Variants in HTR3A observed in about 807,000 individuals in gnomAD.
The protein encoded by HTR3A is 5-hydroxytryptamine (serotonin) receptor 3A, ionotropic.
HTR3A carries 45 observed loss-of-function variants against 54.8 expected under a neutral mutation model. That is an observed-to-expected ratio of 0.82 (90% CI 0.65 to 1.05). The LOEUF is 1.05. Ranked by LOEUF, HTR3A falls within the 50% of genes least tolerant of loss-of-function variation. The probability of loss-of-function intolerance (pLI) is 0.00; values close to 1 mark genes in which losing one functional copy is unlikely to be tolerated. For synonymous variants in HTR3A, 297 were observed against 256.0 expected, an observed-to-expected ratio of 1.16 and a Z score of -1.53; for missense variants, 657 against 614.0, an observed-to-expected ratio of 1.07 and a Z score of -0.74.
chr11:113,986,508 C>T lies in HTR3A; in HGVS notation c.706-10C>T. On this transcript the variant is annotated splice_polypyrimidine_tract_variant and intron_variant, in intron 6 of 8. Transcript: ENST00000504030. ...CCCCAGGCTTCCCACAAGCTCTTCT[C>T]CGGTCCCAGGTGGTCATCCGCCGGC... is the stretch of plus-strand genomic sequence containing the variant. 1 of 1,611,862 alleles carries T rather than the reference C, an allele frequency of 6.2e-7. No individual in the cohort carries two copies. The highest frequency in any genetic ancestry group is 1.3e-5 in the African/African-American group (1 of 75,038).
chr11:113,979,315 C>T, intron 3 of HTR3A, 38 bp downstream of exon 3: 1 of 1,504,758 alleles, frequency 6.6e-7, no homozygotes, highest in Non-Finnish European at 9.2e-7. Context: ...CGTTACCCAT[C>T]CTCCTGGGAA....
rs1383328118 is a variant in HTR3A at position 113,989,022 on chromosome 11, T to G, written c.1139-443T>G. Among the ~76,000 whole-genome samples the G allele has an allele frequency of 1.3e-5, 2 of 152,114 alleles. No homozygotes were observed. The highest frequency in any genetic ancestry group is 4.8e-5 in the African/African-American group (2 of 41,416). ...TGGTTTTTCAATTTAAATTGGATGG[T>G]GGATTTGCAGGTATGTAAGTTACTC... On this transcript the variant is annotated intron_variant, in intron 8 of 8. Coordinates refer to ENST00000504030, the MANE Select transcript of HTR3A (RefSeq NM_000869.6). The surrounding 1 kb of genome is among the most constrained non-coding windows in gnomAD (Gnocchi z 4.4).
At chr11:113,987,803 G>A (rs1950510335) in intron 8 of HTR3A, among the ~76,000 whole-genome samples, 1 of 152,186 alleles carries the variant, frequency 6.6e-6, no homozygotes, top group African/African-American at 2.4e-5. Context: ...CACCTATGAG[G>A]CAGAGAGACA....
intron 1 of HTR3A, among the ~76,000 whole-genome samples, chr11:113,976,034 A>G (rs1950347190): frequency 6.6e-6 from 1 of 152,096 alleles, no homozygotes; most frequent in Non-Finnish European, 1.5e-5. Context: ...TTAGCCACAA[A>G]GGGACCGGCT....
In HTR3A at chr11:113,975,159, A is replaced by T; in HGVS notation, c.-167A>T. 2 of 717,588 alleles carry T rather than the reference A, an allele frequency of 2.8e-6. No homozygotes were observed. The allele number at this position is 717,588 out of a possible 1,614,324, so 44.5% of individuals were successfully genotyped here. On this transcript the variant is annotated 5_prime_UTR_variant, in exon 1 of 9. Coordinates refer to ENST00000504030, the MANE Select transcript of HTR3A (RefSeq NM_000869.6). Reference sequence around the variant, plus strand: ...TTGCAGGAAAACTTGGCAGCTCCCCAACCTTGGTGGCCCAGGGAGTGTGAG... The same window carrying T: ...TTGCAGGAAAACTTGGCAGCTCCCCTACCTTGGTGGCCCAGGGAGTGTGAG...
Position 113,986,577 on chromosome 11 carries a change from C to G in HTR3A, c.765C>G (p.Phe255Leu), listed in dbSNP as rs79779791. The change falls in exon 7 of 9, where the codon TTC (phenylalanine) becomes TTG (leucine). Residue 255 changes from phenylalanine to leucine, a missense_variant. By Grantham distance (22) the Phe-to-Leu change is conservative. Coordinates refer to ENST00000504030, the MANE Select transcript of HTR3A (RefSeq NM_000869.6). Reference sequence around the variant, plus strand: ...TCAGCCTGCTACTGCCCAGCATCTTCCTCATGGTCATGGACATCGTGGGCT... The same window carrying G: ...TCAGCCTGCTACTGCCCAGCATCTTGCTCATGGTCATGGACATCGTGGGCT... ...YVVSLLLPSI[F>L]LMVMDIVGFY... is the part of the protein sequence containing the mutation. 1,018 of 1,613,498 alleles carry G rather than the reference C, an allele frequency of 6.3e-4. 7 individuals are homozygous for G. In the African/African-American group the frequency reaches 0.012, roughly 20 times the overall value.
intron 2 of HTR3A, 67 bp from the exon 3 acceptor site, chr11:113,979,166 G>A: frequency 8.3e-7 from 1 of 1,207,606 alleles, no homozygotes; most frequent in South Asian, 1.2e-5. Flanking sequence ...TCCTTTAGGG[G>A]CTGGCATGTG....
Position 113,975,349 on chromosome 11 carries a change from G to T in HTR3A, c.24G>T (p.Ala8=). 6.2e-7 allele frequency: 1 copy of T among 1,613,294 alleles called. No homozygotes were observed. The highest frequency in any genetic ancestry group is 2.2e-5 in the East Asian group (1 of 44,874). Residue 8 remains alanine, a synonymous_variant, in exon 1 of 9, where the codon GCG becomes GCT. Coordinates refer to ENST00000504030, the MANE Select transcript of HTR3A (RefSeq NM_000869.6). MLLWVQQ[A]LLALLLPTLL... ...CTATGCTGCTGTGGGTCCAGCAGGC[G>T]CTGCTCGCCTTGCTCCTCCCCACAC...
chr11:113,976,071 C>T (rs1950347827), intron 1 of HTR3A, among the ~76,000 whole-genome samples: 1 of 152,102 alleles, frequency 6.6e-6, no homozygotes, highest in Non-Finnish European at 1.5e-5. Context: ...CATGTTCATT[C>T]CCCTCTAGGA....
chr11:113,984,725 T>C (rs1950468799), intron 5 of HTR3A, among the ~76,000 whole-genome samples: 1 of 152,172 alleles, frequency 6.6e-6, no homozygotes, highest in Non-Finnish European at 1.5e-5. Context: ...GAGACCATCC[T>C]GGCCAACATG....
chr11:113,979,415 G>T (rs530735898), intron 3 of HTR3A, 138 bp downstream of exon 3: 1 of 717,610 alleles, frequency 1.4e-6, no homozygotes, highest in South Asian at 1.5e-5. Flanking sequence ...ATCCAGGAGT[G>T]TGGAATCTCC....
rs775735247 is a variant in HTR3A, at chr11:113,989,476, C to T, written c.1150C>T (p.His384Tyr). Residue 384 changes from histidine (H) to tyrosine (Y), a missense_variant, in exon 9 of 9, where the codon CAC becomes TAC. Transcript: ENST00000504030. This position sits in a 1 kb window ranked among gnomAD's most constrained non-coding sequence, Gnocchi z 4.4. ...TGCCCTTCTTCCAGCCATGGGAAAC[C>T]ACTGCAGCCACATGGGAGGACCCCA... ...KTDDCSAMGN[H>Y]CSHMGGPQDF... The T allele has an allele frequency of 6.2e-6, 10 of 1,613,978 alleles. No individual in the cohort carries two copies. The highest frequency in any genetic ancestry group is 7.6e-6 in the Non-Finnish European group (9 of 1,180,028).
At chr11:113,987,572 A>AT (rs58053281) in intron 8 of HTR3A, among the ~76,000 whole-genome samples, 132,540 of 149,892 alleles carry the variant, frequency 0.88, 60,866 homozygotes, top group East Asian at 1. Flanking sequence ...ATCTCTACTA[A>AT]TTTTTTTTTT....
rs1186570845 is a variant in HTR3A, at chr11:113,986,645, T to C, written c.833T>C (p.Ile278Thr). The change falls in exon 7 of 9, where the codon ATT (isoleucine) becomes ACT (threonine). Residue 278 changes from isoleucine to threonine, a missense_variant. Ile to Thr is a moderately conservative substitution (Grantham distance 89). Transcript: ENST00000504030. Reference sequence around the variant, plus strand: ...AGTGGCGAGAGGGTCTCTTTCAAGATTACACTCCTCCTGGGCTACTCGGTC... The same window carrying C: ...AGTGGCGAGAGGGTCTCTTTCAAGACTACACTCCTCCTGGGCTACTCGGTC... ...PNSGERVSFK[I>T]TLLLGYSVFL... The C allele has an allele frequency of 2.5e-6, 4 of 1,613,980 alleles. No homozygotes were observed. The highest frequency in any genetic ancestry group is 3.4e-6 in the Non-Finnish European group (4 of 1,180,044).
In HTR3A at chr11:113,990,151, G is replaced by A. The variant is rs752177218; in HGVS notation, c.*388G>A. ...TTCACAACTTTGCTTTTAGGTTGAAGGCAAAACCAACTCTCTACTACACAG... is the reference window on the plus strand; with the variant it reads ...TTCACAACTTTGCTTTTAGGTTGAAAGCAAAACCAACTCTCTACTACACAG... On this transcript the variant is annotated 3_prime_UTR_variant, in exon 9 of 9. Coordinates refer to ENST00000504030, the MANE Select transcript of HTR3A (RefSeq NM_000869.6). 1.1e-5 allele frequency: 5 copies of A among 463,080 alleles called. No individual in the cohort carries two copies. In the East Asian group the frequency reaches 3.4e-4, roughly 31 times the overall value. 28.7% of individuals were successfully genotyped at this position (463,080 alleles called of 1,614,324 possible).
rs1211160451 is a variant in HTR3A at position 113,989,790 on chromosome 11, G to A, written c.*27G>A. On this transcript the variant is annotated 3_prime_UTR_variant, in exon 9 of 9. Transcript: ENST00000504030. The surrounding 1 kb of genome is among the most constrained non-coding windows in gnomAD (Gnocchi z 4.4). ...TGGGTACAGCCCAGTGGAGGAGGGG[G>A]TACAGTCCTGGTTAGGTGGGGACAG... is the stretch of plus-strand genomic sequence containing the variant. The A allele has an allele frequency of 6.2e-7, 1 of 1,602,388 alleles. No individual in the cohort carries two copies. The highest frequency in any genetic ancestry group is 1.1e-5 in the South Asian group (1 of 91,048).
intron 8 of HTR3A, among the ~76,000 whole-genome samples, chr11:113,987,960 A>C (rs1464661355): frequency 6.6e-6 from 1 of 152,252 alleles, no homozygotes; most frequent in East Asian, 1.9e-4. Context: ...TGTAATACTC[A>C]TGACAACCCA....
chr11:113,979,299 T>C (rs1591601144), intron 3 of HTR3A, 22 bp downstream of exon 3: 1 of 1,370,890 alleles, frequency 7.3e-7, no homozygotes, highest in Non-Finnish European at 1.0e-6. Flanking sequence ...CGCCCCTCCC[T>C]GCCCCCGTTA....
chr11:113,979,581 G>C (rs1005948698), intron 3 of HTR3A, among the ~76,000 whole-genome samples: 1 of 152,194 alleles, frequency 6.6e-6, no homozygotes, highest in Non-Finnish European at 1.5e-5. Flanking sequence ...TTCACTCTCA[G>C]CCAGCTCTGT....
Sources: gnomAD v4.1 joint callset for allele counts (sites outside exome capture counted in the v4.1 genomes callset) on GRCh38, gnomAD v4.1.1 for gene constraint, Gnocchi (gnomAD v3.1) non-coding constraint, MANE v1.5 for transcripts, NCBI Gene and HGNC (gene_info 2026-07-23, HGNC 2026-07-21) for gene names.